Variants in DNAH8 observed in about 807,000 individuals in gnomAD.
DNAH8 encodes dynein axonemal heavy chain 8.
In DNAH8, 382 loss-of-function variants were observed where a neutral mutation model predicts 562.1. The ratio of observed to expected loss-of-function variants is 0.68; its 90% CI spans 0.63 to 0.74. The LOEUF (loss-of-function observed/expected upper bound fraction) is 0.74. Among genes scored for constraint, DNAH8 ranks in the 30% least tolerant of loss-of-function variants. The pLI is 0.00. For synonymous variants in DNAH8, 1,881 were observed against 1,919.4 expected (o/e 0.98, Z 0.52); for missense variants, 5,203 against 5,620.4 (o/e 0.93, Z 2.37).
chr6:38,740,846 C>T (rs941159645), intron 7 of DNAH8, among the ~76,000 whole-genome samples: 5 of 152,130 alleles, frequency 3.3e-5, no homozygotes, highest in African/African-American at 1.2e-4. Context: ...AACTCCTGGG[C>T]TCAAGCAGTC....
intron 22 of DNAH8, 143 bp downstream of exon 22, chr6:38,803,454 G>T: frequency 1.1e-5 from 6 of 568,890 alleles, no homozygotes; most frequent in Non-Finnish European, 1.5e-5. Flanking sequence ...CACATTGTTT[G>T]TACCAACAGT....
chr6:38,922,151 G>A (rs946763304), intron 71 of DNAH8, among the ~76,000 whole-genome samples: 7 of 151,810 alleles, frequency 4.6e-5, no homozygotes, highest in African/African-American at 1.7e-4. Flanking sequence ...GCTTAGCTTT[G>A]GCTCAGAGAC....
intron 92 of DNAH8, among the ~76,000 whole-genome samples, chr6:39,027,537 AG>A (rs1412543224): frequency 6.6e-6 from 1 of 152,200 alleles, no homozygotes; most frequent in Non-Finnish European, 1.5e-5. Context: ...ACCTTATTAA[AG>A]GAGTTGTGGC....
intron 57 of DNAH8, 52 bp downstream of exon 57, chr6:38,887,056 C>T (rs778651411): frequency 2.5e-5 from 33 of 1,323,166 alleles, no homozygotes; most frequent in Non-Finnish European, 3.4e-5. Context: ...GGACATAAAC[C>T]ACACAAAATT....
In DNAH8 at chr6:38,727,453, T is replaced by C. The variant is rs377224227; in HGVS notation, c.526-2449T>C. 2.0e-5 allele frequency among the ~76,000 whole-genome samples: 3 copies of C among 152,220 alleles called. No homozygotes were observed. The East Asian group carries it at 5.8e-4, about 29-fold the overall frequency. On this transcript the variant is annotated intron_variant, in intron 3 of 92. Transcript: ENST00000327475. ...CTCCCCACTTGGCCCTGTTCCTGAC[T>C]GTGGTTCTCTGCTCCCATAGTTATA...
At chr6:38,739,104 A>G (rs900952209) in intron 7 of DNAH8, among the ~76,000 whole-genome samples, 2 of 152,160 alleles carry the variant, frequency 1.3e-5, no homozygotes, top group African/African-American at 2.4e-5. Context: ...GCCTGTTCAT[A>G]TCATTTGCCT....
intron 17 of DNAH8, among the ~76,000 whole-genome samples, chr6:38,785,129 C>A (rs1190952122): frequency 3.3e-5 from 5 of 152,128 alleles, no homozygotes; most frequent in Admixed American, 2.0e-4. Flanking sequence ...AAGTAGAATT[C>A]TTTCGTGTTT....
intron 26 of DNAH8, among the ~76,000 whole-genome samples, chr6:38,822,100 A>G (rs763155935): frequency 1.5e-4 from 23 of 152,184 alleles, no homozygotes; most frequent in Non-Finnish European, 2.8e-4. Context: ...GGTTACTGTG[A>G]GGAGGGGCTT....
chr6:38,807,213 C>T (rs1771358490), intron 23 of DNAH8, among the ~76,000 whole-genome samples: 1 of 152,164 alleles, frequency 6.6e-6, no homozygotes, highest in Non-Finnish European at 1.5e-5. Flanking sequence ...CCAAGCTGAG[C>T]TTCTTGAGGA....
At chr6:38,897,337 G>A (rs1779772507) in intron 60 of DNAH8, among the ~76,000 whole-genome samples, 1 of 152,140 alleles carries the variant, frequency 6.6e-6, no homozygotes, top group Non-Finnish European at 1.5e-5. Context: ...CAATGGCAGG[G>A]GTGAGTAGAG....
chr6:38,795,249 A>G (rs927151001), intron 21 of DNAH8, among the ~76,000 whole-genome samples: 3 of 152,156 alleles, frequency 2.0e-5, no homozygotes, highest in Admixed American at 6.5e-5. Flanking sequence ...CTCTCTACCA[A>G]TTATACAGTA....
intron 10 of DNAH8, among the ~76,000 whole-genome samples, chr6:38,760,342 G>A (rs1291416495): frequency 6.6e-6 from 1 of 152,142 alleles, no homozygotes; most frequent in East Asian, 1.9e-4. Flanking sequence ...ATTCAGTATT[G>A]TTGAGGAGAA....
At chr6:39,006,396 TAAA>T (rs1288493454) in intron 88 of DNAH8, among the ~76,000 whole-genome samples, 1 of 152,224 alleles carries the variant, frequency 6.6e-6, no homozygotes, top group Non-Finnish European at 1.5e-5. Context: ...AGTCTCCTTT[TAAA>T]ACTCTTCAAT....
intron 79 of DNAH8, among the ~76,000 whole-genome samples, chr6:38,943,756 C>T (rs1056501627): frequency 3.3e-5 from 5 of 151,656 alleles, no homozygotes; most frequent in East Asian, 1.9e-4. Context: ...GCCTTCCAAG[C>T]GGGGAAAGAA....
chr6:38,970,754 G>T (rs1287068071), intron 82 of DNAH8, among the ~76,000 whole-genome samples: 1 of 151,788 alleles, frequency 6.6e-6, no homozygotes, highest in African/African-American at 2.4e-5. Flanking sequence ...CTTGTACAGG[G>T]ATTATGCCTC....
rs183284221 is a variant in DNAH8 at position 38,884,315 on chromosome 6, C to T, written c.8259+317C>T. Among the ~76,000 whole-genome samples, 387 of 152,228 alleles carry T rather than the reference C, an allele frequency of 2.5e-3. 3 individuals carry two copies. Among genetic ancestry groups the T allele is most frequent in the African/African-American group, 8.4e-3 (348 of 41,550 alleles). The stretch of plus-strand genomic sequence containing the variant: ...TAACTCGTCATTTAACATTTTGAGA[C>T]GGAGTCTTGCTCTCTCACCCAAGCT... On this transcript the variant is annotated intron_variant, in intron 56 of 92. Coordinates refer to ENST00000327475, the MANE Select transcript of DNAH8 (RefSeq NM_001206927.2).
chr6:38,802,250 C>T (rs1431941818), intron 21 of DNAH8, among the ~76,000 whole-genome samples: 9 of 149,490 alleles, frequency 6.0e-5, no homozygotes, highest in Non-Finnish European at 1.0e-4. Flanking sequence ...TTTACTTTTA[C>T]GTTTTTTTTT....
intron 7 of DNAH8, among the ~76,000 whole-genome samples, chr6:38,738,897 T>C (rs1764316779): frequency 6.6e-6 from 1 of 152,194 alleles, no homozygotes; most frequent in Non-Finnish European, 1.5e-5. Context: ...CTATTTTTTT[T>C]TGAAAAATCT....
At chr6:38,835,510 A>G (rs1774206502) in intron 32 of DNAH8, among the ~76,000 whole-genome samples, 2 of 152,196 alleles carry the variant, frequency 1.3e-5, no homozygotes, top group Non-Finnish European at 2.9e-5. Flanking sequence ...GGGCTGTTAG[A>G]GCAGATGGAG....
Sources: allele counts gnomAD v4.1 joint callset (sites outside exome capture counted in the v4.1 genomes callset), GRCh38; gene constraint gnomAD v4.1.1; transcripts MANE v1.5; gene names NCBI Gene and HGNC (gene_info 2026-07-23, HGNC 2026-07-21).